The following ROBO2 variants were observed in gnomAD, a reference collection of about 807,000 sequenced individuals.
ROBO2 encodes the protein roundabout guidance receptor 2, also known as roundabout homolog 2.
ROBO2 carries 53 observed loss-of-function variants against 160.8 expected under a neutral mutation model. The observed-to-expected ratio is 0.33, with a 90% confidence interval of 0.26 to 0.41. The LOEUF (loss-of-function observed/expected upper bound fraction) is 0.41. Ranked by LOEUF, ROBO2 falls within the 10% of genes least tolerant of loss-of-function variation. The pLI is 1.00. For missense variants in ROBO2, 1,577 were observed against 1,722.4 expected (o/e 0.92, Z 1.49); for synonymous variants, 664 against 611.7 (o/e 1.09, Z -1.26).
rs905864833 is a variant in ROBO2, at chr3:76,003,723, G to C, written c.109+66121G>C. Among the ~76,000 whole-genome samples the C allele has an allele frequency of 7.9e-5, 12 of 152,332 alleles. 1 individual carries two copies. Among genetic ancestry groups the C allele is most frequent in the Admixed American group, 7.8e-4 (12 of 15,296 alleles). ...AATTTTCCAAGGTTATACAGGACCA[G>C]TGTTGGAATTTTAGCATTTCTGGGT... On this transcript the variant is annotated intron_variant, in intron 2 of 26. Transcript: ENST00000487694.
chr3:77,609,606 T>C (rs1205127313), intron 21 of ROBO2, among the ~76,000 whole-genome samples: 1 of 151,834 alleles, frequency 6.6e-6, no homozygotes, highest in African/African-American at 2.4e-5. Flanking sequence ...CCCCCTGCAA[T>C]AAAACCAATT....
At chr3:77,505,904 T>C (rs1349900834) in intron 5 of ROBO2, among the ~76,000 whole-genome samples, 1 of 152,162 alleles carries the variant, frequency 6.6e-6, no homozygotes, top group African/African-American at 2.4e-5. Context: ...TATTTAAAAA[T>C]AATGGCATAA....
At chr3:76,486,535 CA>C (rs1440018989) in intron 2 of ROBO2, among the ~76,000 whole-genome samples, 4 of 151,378 alleles carry the variant, frequency 2.6e-5, no homozygotes, top group African/African-American at 9.7e-5. Flanking sequence ...TATTTTTTTC[CA>C]AAAAAATGTT....
At chr3:75,910,105 T>C (rs1178422141) in intron 1 of ROBO2, among the ~76,000 whole-genome samples, 1 of 152,192 alleles carries the variant, frequency 6.6e-6, no homozygotes, top group East Asian at 1.9e-4. Context: ...TTGCAGTTAG[T>C]ACAGGGCTGC....
chr3:76,265,938 GGTAA>G (rs1426306755), intron 2 of ROBO2, among the ~76,000 whole-genome samples: 1 of 151,980 alleles, frequency 6.6e-6, no homozygotes, highest in South Asian at 2.1e-4. Flanking sequence ...TCAAACTCAG[GGTAA>G]GTAAGCTCTT....
intron 2 of ROBO2, among the ~76,000 whole-genome samples, chr3:77,253,694 C>A (rs2090626597): frequency 6.6e-6 from 1 of 152,062 alleles, no homozygotes; most frequent in East Asian, 1.9e-4. Context: ...TAAATGTCAT[C>A]AGAGAGGCAA....
At chr3:77,439,561 G>A (rs1397521294) in intron 2 of ROBO2, among the ~76,000 whole-genome samples, 1 of 151,982 alleles carries the variant, frequency 6.6e-6, no homozygotes, top group African/African-American at 2.4e-5. Context: ...GTTGTTCAGG[G>A]CAGAACAGAC....
At chr3:76,223,196 C>G (rs1704080161) in intron 2 of ROBO2, among the ~76,000 whole-genome samples, 1 of 151,756 alleles carries the variant, frequency 6.6e-6, no homozygotes, top group African/African-American at 2.4e-5. Flanking sequence ...CTTTAGGATC[C>G]TGCTAGAACT....
intron 2 of ROBO2, among the ~76,000 whole-genome samples, chr3:76,442,903 A>T (rs1216007715): frequency 6.6e-6 from 1 of 152,196 alleles, no homozygotes; most frequent in Admixed American, 6.6e-5. Flanking sequence ...TTATAAATTC[A>T]GCTTTTTCAT....
At chr3:76,896,286 A>G (rs62261849) in intron 2 of ROBO2, among the ~76,000 whole-genome samples, 1 of 152,178 alleles carries the variant, frequency 6.6e-6, no homozygotes, top group Non-Finnish European at 1.5e-5. Context: ...AACTACTGTA[A>G]CTACCTGCAA....
At chr3:77,324,595 C>T (rs922461891) in intron 2 of ROBO2, among the ~76,000 whole-genome samples, 1 of 151,854 alleles carries the variant, frequency 6.6e-6, no homozygotes, top group South Asian at 2.1e-4. Flanking sequence ...CTGGCTAACA[C>T]GGTGAAACCC....
intron 2 of ROBO2, among the ~76,000 whole-genome samples, chr3:77,016,823 C>T (rs961798903): frequency 6.6e-6 from 1 of 152,166 alleles, no homozygotes; most frequent in Non-Finnish European, 1.5e-5. Context: ...AAGCTCTGAT[C>T]ATTTGAATAT....
intron 2 of ROBO2, chr3:77,316,868 C>G (rs771631254): frequency 1.5e-4 from 175 of 1,179,358 alleles, no homozygotes; most frequent in Non-Finnish European, 2.1e-4. Flanking sequence ...TGAGTGTATC[C>G]TAAACCTATC....
At chr3:77,243,848 A>G (rs1313289357) in intron 2 of ROBO2, among the ~76,000 whole-genome samples, 3 of 152,184 alleles carry the variant, frequency 2.0e-5, no homozygotes, top group African/African-American at 7.2e-5. Flanking sequence ...GGCAAATGTC[A>G]TGTTATGTGG....
Position 76,950,925 on chromosome 3 carries a change from G to A in ROBO2, c.110-147089G>A, listed in dbSNP as rs142513282. On this transcript the variant is annotated intron_variant, in intron 2 of 26. Coordinates refer to the ROBO2 transcript ENST00000487694. The stretch of plus-strand genomic sequence containing the variant: ...GTATTTTTTGTAGAGAAATGGTTTC[G>A]CCATGTTTCCCAGGCTGGTCTGGAA... 1.4e-3 allele frequency among the ~76,000 whole-genome samples: 218 copies of A among 152,136 alleles called. 2 individuals are homozygous for A. Among genetic ancestry groups the A allele is most frequent in the African/African-American group, 5.1e-3 (213 of 41,512 alleles).
chr3:77,467,976 T>C (rs534697566), intron 2 of ROBO2, among the ~76,000 whole-genome samples: 11 of 152,264 alleles, frequency 7.2e-5, no homozygotes, highest in Middle Eastern at 3.4e-3. Flanking sequence ...CTTGAACATG[T>C]TTAGGTTAAT....
intron 2 of ROBO2, among the ~76,000 whole-genome samples, chr3:76,775,896 A>C (rs2108549577): frequency 6.6e-6 from 1 of 150,962 alleles, no homozygotes; most frequent in East Asian, 2.0e-4. Context: ...CCTAAAAACA[A>C]GGATATATTG....
intron 2 of ROBO2, among the ~76,000 whole-genome samples, chr3:76,308,191 A>G (rs2071410191): frequency 6.6e-6 from 1 of 152,066 alleles, no homozygotes; most frequent in Non-Finnish European, 1.5e-5. Flanking sequence ...AGCCTGGCCA[A>G]TATGGTGAAA....
Position 76,796,226 on chromosome 3 carries a change from A to G in ROBO2, c.110-301788A>G, listed in dbSNP as rs374853004. On this transcript the variant is annotated intron_variant, in intron 2 of 26. Coordinates refer to the ROBO2 transcript ENST00000487694. ...GCCAGGCATTAACTTCTTTCTAGCT[A>G]TGAGAGTCTTAGGTGGTATCTTCTT... is the stretch of plus-strand genomic sequence containing the variant. Among the ~76,000 whole-genome samples the G allele has an allele frequency of 1.9e-3, 289 of 152,212 alleles. 4 individuals are homozygous for G. In the South Asian group the frequency reaches 0.032, roughly 17 times the overall value.
Sources: gnomAD v4.1 joint callset for allele counts (sites outside exome capture counted in the v4.1 genomes callset) on GRCh38, gnomAD v4.1.1 for gene constraint, MANE v1.5 for transcripts, NCBI Gene and HGNC (gene_info 2026-07-23, HGNC 2026-07-21) for gene names.